ST6GALNAC3: variants seen among roughly 807,000 people sequenced by gnomAD.
ST6GALNAC3 encodes the protein ST6 N-acetylgalactosaminide alpha-2,6-sialyltransferase 3, also known as alpha-N-acetylgalactosaminide alpha-2,6-sialyltransferase 3.
Under a neutral mutation model 32.7 loss-of-function variants are expected in ST6GALNAC3, and 25 were observed. The ratio of observed to expected loss-of-function variants is 0.76; its 90% confidence interval spans 0.56 to 1.07. The LOEUF is 1.07. Ranked by LOEUF, ST6GALNAC3 falls within the 50% of genes least tolerant of loss-of-function variation. The pLI is 0.00. For synonymous variants in ST6GALNAC3, 129 were observed against 133.1 expected (o/e 0.97, Z 0.21); for missense variants, 355 against 382.4 (o/e 0.93, Z 0.60).
At chr1:76,498,215 A>G (rs2101716419) in intron 3 of ST6GALNAC3, among the ~76,000 whole-genome samples, 1 of 152,280 alleles carries the variant, frequency 6.6e-6, no homozygotes, top group East Asian at 1.9e-4. Flanking sequence ...CCCAAGATTT[A>G]AGTTTAGAGA....
At chr1:76,255,225 C>A (rs766379865) in intron 1 of ST6GALNAC3, among the ~76,000 whole-genome samples, 1 of 152,156 alleles carries the variant, frequency 6.6e-6, no homozygotes, top group East Asian at 1.9e-4. Flanking sequence ...TGAATCCATC[C>A]CCCTCCCTTT....
chr1:76,224,319 A>G (rs952879008), intron 1 of ST6GALNAC3, among the ~76,000 whole-genome samples: 2 of 152,174 alleles, frequency 1.3e-5, no homozygotes, highest in African/African-American at 4.8e-5. Flanking sequence ...TGGACAAGGA[A>G]TGTATTCTGT....
intron 1 of ST6GALNAC3, among the ~76,000 whole-genome samples, chr1:76,140,513 C>T (rs1650243096): frequency 6.6e-6 from 1 of 152,078 alleles, no homozygotes; most frequent in African/African-American, 2.4e-5. Context: ...CCTTGTACTT[C>T]CTCTGGCAGA....
chr1:76,532,475 CT>C (rs1557537739), intron 3 of ST6GALNAC3, among the ~76,000 whole-genome samples: 1 of 152,104 alleles, frequency 6.6e-6, no homozygotes, highest in African/African-American at 2.4e-5. Flanking sequence ...TGATTCCACT[CT>C]GATTGAGAGT....
chr1:76,304,966 G>T (rs1352680072), intron 1 of ST6GALNAC3, among the ~76,000 whole-genome samples: 2 of 151,986 alleles, frequency 1.3e-5, no homozygotes, highest in Non-Finnish European at 2.9e-5. Flanking sequence ...AAGCCTATAA[G>T]GTAGCTGAGA....
intron 3 of ST6GALNAC3, among the ~76,000 whole-genome samples, chr1:76,532,526 C>T (rs201692497): frequency 6.6e-5 from 10 of 151,924 alleles, no homozygotes; most frequent in East Asian, 1.9e-4. Flanking sequence ...ACAACCCAAA[C>T]GTAACATAGA....
Position 76,235,377 on chromosome 1 carries a change from C to T in ST6GALNAC3, c.19-78428C>T, listed in dbSNP as rs1171039511. Among the ~76,000 whole-genome samples the T allele has an allele frequency of 9.2e-5, 14 of 152,014 alleles. No individual in the cohort carries two copies. The East Asian group carries it at 2.5e-3, about 27-fold the overall frequency. On this transcript the variant is annotated intron_variant, in intron 1 of 4. Transcript: ENST00000328299. ...AAACTATTAGCCACGCGTGGTGGTG[C>T]CTGCCTGTAGTCCAAGCTACTTGGG...
chr1:76,498,017 AC>A (rs1660962714), intron 3 of ST6GALNAC3, among the ~76,000 whole-genome samples: 1 of 152,178 alleles, frequency 6.6e-6, no homozygotes, highest in Non-Finnish European at 1.5e-5. Flanking sequence ...TACCTAGGTC[AC>A]CCTATGGCTG....
chr1:76,146,974 G>A (rs1231105057), intron 1 of ST6GALNAC3, among the ~76,000 whole-genome samples: 2 of 151,794 alleles, frequency 1.3e-5, no homozygotes, highest in East Asian at 1.9e-4. Flanking sequence ...TAATGACTCC[G>A]TGTACTGCTC....
chr1:76,155,888 A>G (rs1651381074), intron 1 of ST6GALNAC3, among the ~76,000 whole-genome samples: 1 of 152,190 alleles, frequency 6.6e-6, no homozygotes, highest in African/African-American at 2.4e-5. Context: ...AACTGAAGCC[A>G]ATACTTTATT....
intron 1 of ST6GALNAC3, among the ~76,000 whole-genome samples, chr1:76,253,799 T>TA (rs1657761891): frequency 6.6e-6 from 1 of 152,166 alleles, no homozygotes; most frequent in African/African-American, 2.4e-5. Flanking sequence ...CTGACTTTCT[T>TA]AGTTTCCAAT....
At chr1:76,526,896 T>C (rs956922377) in intron 3 of ST6GALNAC3, among the ~76,000 whole-genome samples, 3 of 152,242 alleles carry the variant, frequency 2.0e-5, no homozygotes, top group African/African-American at 7.2e-5. Context: ...AAGCCAGTTG[T>C]AGAAAATTCT....
At chr1:76,577,817 C>T (rs190882011) in intron 3 of ST6GALNAC3, among the ~76,000 whole-genome samples, 36 of 152,150 alleles carry the variant, frequency 2.4e-4, no homozygotes, top group Admixed American at 1.8e-3. Context: ...ATTCTGTTCA[C>T]TTGGAGAAAG....
At chr1:76,458,997 G>C (rs141195652) in intron 3 of ST6GALNAC3, among the ~76,000 whole-genome samples, 200 of 152,026 alleles carry the variant, frequency 1.3e-3, no homozygotes, top group African/African-American at 4.6e-3. Context: ...TAAAAATAAT[G>C]TTCTTCAATC....
chr1:76,474,730 A>G (rs1408370232), intron 3 of ST6GALNAC3, among the ~76,000 whole-genome samples: 4 of 152,064 alleles, frequency 2.6e-5, no homozygotes, highest in African/African-American at 9.7e-5. Context: ...TAACTCCTAT[A>G]TTGAGTAGGA....
At chr1:76,563,861 G>A (rs1223143257) in intron 3 of ST6GALNAC3, among the ~76,000 whole-genome samples, 1 of 152,180 alleles carries the variant, frequency 6.6e-6, no homozygotes, top group Non-Finnish European at 1.5e-5. Flanking sequence ...CCCCTCTAAA[G>A]CTACTTTGGC....
chr1:76,528,529 G>C (rs185004860), intron 3 of ST6GALNAC3, among the ~76,000 whole-genome samples: 1 of 152,080 alleles, frequency 6.6e-6, no homozygotes, highest in South Asian at 2.1e-4. Flanking sequence ...CTAACCAGAC[G>C]CATACATAGT....
chr1:76,232,823 C>T (rs898087055), intron 1 of ST6GALNAC3, among the ~76,000 whole-genome samples: 3 of 152,140 alleles, frequency 2.0e-5, no homozygotes, highest in Admixed American at 6.6e-5. Flanking sequence ...TTGCAGGAGC[C>T]GGTCAAGTAG....
Position 76,528,212 on chromosome 1 carries a change from A to C in ST6GALNAC3, c.624-99240A>C, listed in dbSNP as rs1003293645. On this transcript the variant is annotated intron_variant, in intron 3 of 4. Coordinates refer to ENST00000328299, the MANE Select transcript of ST6GALNAC3 (RefSeq NM_152996.4). ...CAGTTAATGGTATTTACTTCTGAGC[A>C]TTCACTATGTCCCTGGCACTGGGCT... Among the ~76,000 whole-genome samples the C allele has an allele frequency of 9.9e-5, 15 of 152,282 alleles. No individual in the cohort carries two copies. In the East Asian group the frequency reaches 2.9e-3, roughly 29 times the overall value.
Sources: gnomAD v4.1 joint callset for allele counts (sites outside exome capture counted in the v4.1 genomes callset) on GRCh38, gnomAD v4.1.1 for gene constraint, MANE v1.5 for transcripts, NCBI Gene and HGNC (gene_info 2026-07-23, HGNC 2026-07-21) for gene names.